Variants in SPOCK3 observed in about 807,000 individuals in gnomAD.
The protein encoded by SPOCK3 is testican-3.
Under a neutral mutation model 56.6 loss-of-function variants are expected in SPOCK3, and 30 were observed. The observed-to-expected ratio is 0.53, with a 90% CI of 0.40 to 0.72. SPOCK3 has a LOEUF of 0.72. SPOCK3 is among the 30% of genes least tolerant of loss of function. The pLI is 0.00. For missense variants in SPOCK3, 527 were observed against 530.0 expected, an observed-to-expected ratio of 0.99 and a Z score of 0.06; for synonymous variants, 196 against 183.3, an observed-to-expected ratio of 1.07 and a Z score of -0.56.
At chr4:166,870,544 AAGAG>A (rs1253906516) in intron 6 of SPOCK3, among the ~76,000 whole-genome samples, 2 of 152,154 alleles carry the variant, frequency 1.3e-5, no homozygotes, top group Admixed American at 6.6e-5. Context: ...AGAAATCAAT[AAGAG>A]AGATAGTTGA....
rs75259705 is a variant in SPOCK3 at position 166,734,925 on chromosome 4, A to G, written c.1298T>C (p.Ile433Thr). ...DDGGDDHDVY[I>T] ...ATTGATTTCAACTGTCATCAATCAA[A>G]TGTATACATCATGGTCATCACCACC... Residue 433 changes from isoleucine to threonine, a missense_variant, in exon 11 of 11, where the codon ATT (isoleucine) becomes ACT (threonine). Transcript: ENST00000357545. 6.5e-7 allele frequency: 1 copy of G among 1,534,894 alleles called. No individual in the cohort carries two copies. Among genetic ancestry groups the G allele is most frequent in the East Asian group, 2.3e-5 (1 of 43,694 alleles).
At chr4:166,871,462 C>G (rs1188865252) in intron 6 of SPOCK3, among the ~76,000 whole-genome samples, 2 of 151,966 alleles carry the variant, frequency 1.3e-5, no homozygotes, top group Non-Finnish European at 1.5e-5. Context: ...TTTAGTAAAA[C>G]AAACCATGTC....
intron 2 of SPOCK3, among the ~76,000 whole-genome samples, chr4:167,168,687 T>C (rs569514921): frequency 6.6e-6 from 1 of 152,108 alleles, no homozygotes; most frequent in African/African-American, 2.4e-5. Flanking sequence ...AAAAACCCAT[T>C]TTCTGGGGAG....
chr4:166,975,407 G>A (rs1333730005), intron 4 of SPOCK3, among the ~76,000 whole-genome samples: 1 of 151,876 alleles, frequency 6.6e-6, no homozygotes, highest in African/African-American at 2.4e-5. Flanking sequence ...ATTTATGGGG[G>A]TACATGAGGT....
At chr4:167,156,967 C>G (rs764257361) in intron 2 of SPOCK3, among the ~76,000 whole-genome samples, 1 of 152,052 alleles carries the variant, frequency 6.6e-6, no homozygotes, top group Non-Finnish European at 1.5e-5. Flanking sequence ...GATACTGAAA[C>G]CTGATCTGAA....
chr4:166,818,049 A>ATTACACACT (rs1744555604), intron 6 of SPOCK3, among the ~76,000 whole-genome samples: 2 of 152,234 alleles, frequency 1.3e-5, no homozygotes, highest in Admixed American at 6.5e-5. Context: ...TATGTCCAAG[A>ATTACACACT]TTACACACTT....
At chr4:167,007,533 T>G (rs572569797) in intron 3 of SPOCK3, among the ~76,000 whole-genome samples, 1 of 152,244 alleles carries the variant, frequency 6.6e-6, no homozygotes, top group African/African-American at 2.4e-5. Flanking sequence ...TGTAATCTGA[T>G]TTAAGCAACA....
At chr4:166,819,518 G>C (rs930889143) in intron 6 of SPOCK3, among the ~76,000 whole-genome samples, 4 of 151,910 alleles carry the variant, frequency 2.6e-5, no homozygotes, top group African/African-American at 9.7e-5. Flanking sequence ...AACTAATAAA[G>C]GAGTTCAGTA....
intron 2 of SPOCK3, among the ~76,000 whole-genome samples, chr4:167,166,847 A>C (rs1292948487): frequency 1.3e-5 from 2 of 152,152 alleles, no homozygotes; most frequent in African/African-American, 2.4e-5. Flanking sequence ...TAAAATATTA[A>C]GCCAAACTAT....
At chr4:166,763,021 A>T (rs1029352027) in intron 7 of SPOCK3, among the ~76,000 whole-genome samples, 5 of 152,112 alleles carry the variant, frequency 3.3e-5, no homozygotes, top group Middle Eastern at 3.2e-3. Flanking sequence ...TTTGAATTTG[A>T]TAACAATTAC....
rs75838065 is a variant in SPOCK3 at position 166,805,007 on chromosome 4, T to A, written c.590-12718A>T. 1.7e-3 allele frequency among the ~76,000 whole-genome samples: 260 copies of A among 152,254 alleles called. 3 individuals are homozygous for A. In the East Asian group the frequency reaches 0.045, roughly 26 times the overall value. ...TTTCAACCAATATGCATCTCCAAGA[T>A]TGAGATAATATCTAGTATCACCAAC... is the stretch of plus-strand genomic sequence containing the variant. On this transcript the variant is annotated intron_variant, in intron 6 of 10. Coordinates refer to ENST00000357545, the MANE Select transcript of SPOCK3 (RefSeq NM_001040159.2).
chr4:167,219,747 T>C (rs1735718993), intron 2 of SPOCK3, among the ~76,000 whole-genome samples: 1 of 152,172 alleles, frequency 6.6e-6, no homozygotes, highest in African/African-American at 2.4e-5. Flanking sequence ...CATTAAGTTC[T>C]CTGTAATTTA....
At chr4:166,877,043 A>G (rs1733167405) in intron 6 of SPOCK3, among the ~76,000 whole-genome samples, 1 of 152,160 alleles carries the variant, frequency 6.6e-6, no homozygotes, top group Non-Finnish European at 1.5e-5. Flanking sequence ...ACACACATCA[A>G]AGTTACAATA....
At chr4:166,903,988 T>C (rs1353176928) in intron 5 of SPOCK3, among the ~76,000 whole-genome samples, 1 of 152,052 alleles carries the variant, frequency 6.6e-6, no homozygotes, top group Non-Finnish European at 1.5e-5. Flanking sequence ...ATACTATTTT[T>C]TCTTTATCTA....
chr4:167,119,355 T>C (rs1761683046), intron 2 of SPOCK3, among the ~76,000 whole-genome samples: 2 of 152,240 alleles, frequency 1.3e-5, no homozygotes, highest in South Asian at 2.1e-4. Flanking sequence ...GGAGTGAGGA[T>C]ATGAAATAAT....
intron 7 of SPOCK3, among the ~76,000 whole-genome samples, chr4:166,778,806 G>A (rs1390289677): frequency 6.6e-6 from 1 of 151,910 alleles, no homozygotes; most frequent in East Asian, 1.9e-4. Flanking sequence ...GAGGAAGGAG[G>A]TTATGTGTAG....
At chr4:167,205,474 TTATATATA>T in intron 2 of SPOCK3, among the ~76,000 whole-genome samples, 1 of 51,294 alleles carries the variant, frequency 1.9e-5, no homozygotes, top group Non-Finnish European at 3.3e-5. Flanking sequence ...AGAATTTATT[TTATATATA>T]ATATATAATA....
chr4:167,228,679 C>T (rs541455867), intron 2 of SPOCK3, among the ~76,000 whole-genome samples: 4 of 152,062 alleles, frequency 2.6e-5, no homozygotes, highest in Admixed American at 6.6e-5. Flanking sequence ...GCTGTGATCA[C>T]GGCTTAACTA....
At chr4:166,837,164 AT>A (rs1206590170) in intron 6 of SPOCK3, among the ~76,000 whole-genome samples, 1 of 152,156 alleles carries the variant, frequency 6.6e-6, no homozygotes, top group African/African-American at 2.4e-5. Flanking sequence ...TTCTTTAAAG[AT>A]TGGGAAGTCT....
Sources: allele counts gnomAD v4.1 joint callset (sites outside exome capture counted in the v4.1 genomes callset), GRCh38; gene constraint gnomAD v4.1.1; transcripts MANE v1.5; gene names NCBI Gene and HGNC (gene_info 2026-07-23, HGNC 2026-07-21).